DSCAML1: variants seen among roughly 807,000 people sequenced by gnomAD.
DSCAML1 encodes cell adhesion molecule DSCAML1.
Under a neutral mutation model 200.5 loss-of-function variants are expected in DSCAML1, and 38 were observed. The observed-to-expected ratio is 0.19, with a 90% CI of 0.15 to 0.25. The LOEUF (loss-of-function observed/expected upper bound fraction) is 0.25, where lower values mean the gene tolerates loss of function less well. Among genes scored for constraint, DSCAML1 ranks in the 10% least tolerant of loss-of-function variants. The pLI, the probability that DSCAML1 is intolerant of heterozygous loss-of-function variation, is 1.00. For synonymous variants in DSCAML1, 1,215 were observed against 1,165.0 expected (o/e 1.04, Z -0.87); for missense variants, 2,223 against 2,858.8 (o/e 0.78, Z 5.07).
chr11:117,670,114 A>G (rs1273755114), intron 3 of DSCAML1, among the ~76,000 whole-genome samples: 1 of 152,206 alleles, frequency 6.6e-6, no homozygotes, highest in Non-Finnish European at 1.5e-5. Flanking sequence ...TTTTAAGTAC[A>G]CTGTGTATAC....
chr11:117,732,492 C>T lies in DSCAML1; in HGVS notation c.511+44299G>A, dbSNP rs918771193. On this transcript the variant is annotated intron_variant, in intron 3 of 32. Transcript: ENST00000651296. ...CCTGGCTGCCTCTATTATAAAAAGA[C>T]GAGTTCCAAGGCCCTATCTGGCTCT... Among the ~76,000 whole-genome samples, 9 of 152,150 alleles carry T rather than the reference C, an allele frequency of 5.9e-5. 1 individual carries two copies. Among genetic ancestry groups the T allele is most frequent in the South Asian group, 4.1e-4 (2 of 4,826 alleles).
chr11:117,497,057 G>A (rs746334008), intron 11 of DSCAML1, among the ~76,000 whole-genome samples: 1 of 152,194 alleles, frequency 6.6e-6, no homozygotes, highest in African/African-American at 2.4e-5. Context: ...AAAGCCTACA[G>A]CTTCTGAATG....
intron 3 of DSCAML1, among the ~76,000 whole-genome samples, chr11:117,541,787 C>G (rs577600809): frequency 3.3e-5 from 5 of 152,338 alleles, no homozygotes; most frequent in Admixed American, 1.3e-4. Context: ...CCTCACACTT[C>G]CCATGGCAGG....
intron 14 of DSCAML1, among the ~76,000 whole-genome samples, chr11:117,474,565 T>G (rs1298585166): frequency 6.6e-6 from 1 of 152,152 alleles, no homozygotes; most frequent in Non-Finnish European, 1.5e-5. Flanking sequence ...TGACGGCTCA[T>G]CTTGGATGTT....
rs752680592 is a variant in DSCAML1, at chr11:117,428,422, G to C, written c.6068C>G (p.Ser2023Cys). The C allele has an allele frequency of 1.3e-6, 2 of 1,555,154 alleles. No individual in the cohort carries two copies. Among genetic ancestry groups the C allele is most frequent in the African/African-American group, 1.4e-5 (1 of 71,858 alleles). ...AGGPHTKMGGSRDSLLEMSTS... is the reference protein window; with the variant it reads ...AGGPHTKMGGCRDSLLEMSTS... ...GCTCATCTCGAGAAGCGAGTCCCTGGAGCCCCCCATTTTGGTGTGTGGGCC... is the reference window on the plus strand; with the variant it reads ...GCTCATCTCGAGAAGCGAGTCCCTGCAGCCCCCCATTTTGGTGTGTGGGCC... The change falls in exon 33 of 33, where the codon TCC (serine) becomes TGC (cysteine). Residue 2023 changes from serine to cysteine, a missense_variant. Physicochemically the swap from Ser to Cys is moderately radical, Grantham distance 112. Transcript: ENST00000651296.
At chr11:117,746,153 C>T (rs558717399) in intron 3 of DSCAML1, among the ~76,000 whole-genome samples, 6 of 125,276 alleles carry the variant, frequency 4.8e-5, no homozygotes, top group East Asian at 5.2e-4. Flanking sequence ...ACCCGGGAGG[C>T]GGAGCTTACA....
At chr11:117,581,617 G>C (rs1432878835) in intron 3 of DSCAML1, among the ~76,000 whole-genome samples, 1 of 152,162 alleles carries the variant, frequency 6.6e-6, no homozygotes, top group Non-Finnish European at 1.5e-5. Context: ...GCATTGTGAT[G>C]AACACAGGTA....
Position 117,430,690 on chromosome 11 carries a change from G to T in DSCAML1, c.5686+32C>A, listed in dbSNP as rs573366405. Reference sequence around the variant, plus strand: ...TGGGGCTGGGGCCAGGGGGCGGGGGGGCACTGCCTGGGAGGTGGTCTGAGC... The same window carrying T: ...TGGGGCTGGGGCCAGGGGGCGGGGGTGCACTGCCTGGGAGGTGGTCTGAGC... On this transcript the variant is annotated intron_variant, in intron 32 of 32. Transcript: ENST00000651296. 12 of 1,579,958 alleles carry T rather than the reference G, an allele frequency of 7.6e-6. No homozygotes were observed. The East Asian group carries it at 2.5e-4, about 32-fold the overall frequency.
At chr11:117,613,468 ATACACT>A (rs1202674446) in intron 3 of DSCAML1, among the ~76,000 whole-genome samples, 2 of 152,138 alleles carry the variant, frequency 1.3e-5, no homozygotes, top group African/African-American at 4.8e-5. Flanking sequence ...TCAAAAAACA[ATACACT>A]TTGTGAGAGG....
In DSCAML1 at chr11:117,471,913, C is replaced by A. The variant is rs758642341; in HGVS notation, c.2909G>T (p.Arg970Leu). Residue 970 changes from arginine to leucine, a missense_variant, in exon 15 of 33, where the codon CGC (arginine) becomes CTC (leucine). Around this residue, in one of 7 missense-constraint regions of DSCAML1, gnomAD observed 438 missense variants for 629.7 expected, o/e 0.70. Coordinates refer to ENST00000651296, the MANE Select transcript of DSCAML1 (RefSeq NM_020693.4). ...GGTGAGCTCCTTGCTTGGTTCACTGCGGCCAATCTTGTTGAAAGAGTACAT... is the reference window on the plus strand; with the variant it reads ...GGTGAGCTCCTTGCTTGGTTCACTGAGGCCAATCTTGTTGAAAGAGTACAT... ...IRMYSFNKIGRSEPSKELTIS... is the reference protein window; with the variant it reads ...IRMYSFNKIGLSEPSKELTIS... 3 of 1,610,412 alleles carry A rather than the reference C, an allele frequency of 1.9e-6. No homozygotes were observed. Among genetic ancestry groups the A allele is most frequent in the South Asian group, 2.2e-5 (2 of 90,624 alleles).
In DSCAML1 at chr11:117,458,871, G is replaced by A. The variant is rs572720930; in HGVS notation, c.3451C>T (p.Arg1151Trp). 1.5e-5 allele frequency: 24 copies of A among 1,613,844 alleles called. No individual in the cohort carries two copies. Among genetic ancestry groups the A allele is most frequent in the Middle Eastern group, 1.6e-4 (1 of 6,084 alleles). The change falls in exon 19 of 33, where the codon CGG (arginine) becomes TGG (tryptophan). Residue 1151 changes from arginine (R) to tryptophan (W), a missense_variant. Coordinates refer to ENST00000651296, the MANE Select transcript of DSCAML1 (RefSeq NM_020693.4). Reference protein sequence around the residue: ...EMQNITTTRERVELRGMEKFT... With the variant: ...EMQNITTTREWVELRGMEKFT... ...TTCTCCATGCCCCGCAGCTCCACCC[G>A]CTCCCGCGTGGTGGTGATGTTCTGC...
chr11:117,448,383 GCA>G (rs1460715629), intron 20 of DSCAML1, among the ~76,000 whole-genome samples: 1 of 152,116 alleles, frequency 6.6e-6, no homozygotes, highest in Non-Finnish European at 1.5e-5. Flanking sequence ...GATGTTCCAG[GCA>G]CAGTGTTCAG....
chr11:117,679,250 C>T (rs1390600828), intron 3 of DSCAML1, among the ~76,000 whole-genome samples: 1 of 152,154 alleles, frequency 6.6e-6, no homozygotes. Context: ...GCCTCTCTGC[C>T]CTAGAGGCCC....
At chr11:117,779,214 A>T (rs1273091939) in intron 2 of DSCAML1, among the ~76,000 whole-genome samples, 2 of 152,010 alleles carry the variant, frequency 1.3e-5, no homozygotes, top group African/African-American at 4.8e-5. Context: ...TAAGTTGAAA[A>T]GCTCTTCTAA....
chr11:117,598,250 T>C (rs540255199), intron 3 of DSCAML1, among the ~76,000 whole-genome samples: 1 of 152,228 alleles, frequency 6.6e-6, no homozygotes, highest in South Asian at 2.1e-4. Context: ...GGGGATTACT[T>C]TTTGTTATAA....
At chr11:117,531,459 A>G (rs2050074990) in intron 4 of DSCAML1, among the ~76,000 whole-genome samples, 1 of 152,196 alleles carries the variant, frequency 6.6e-6, no homozygotes, top group Admixed American at 6.5e-5. Flanking sequence ...CCTCCCGAGA[A>G]GCTATAATCA....
intron 3 of DSCAML1, among the ~76,000 whole-genome samples, chr11:117,751,245 G>C (rs1164143352): frequency 6.6e-6 from 1 of 151,898 alleles, no homozygotes; most frequent in South Asian, 2.1e-4. Context: ...ACTTCTTAAA[G>C]GGCAGGATCA....
chr11:117,505,386 T>G lies in DSCAML1; in HGVS notation c.2062+68A>C. The G allele has an allele frequency of 7.0e-6, 11 of 1,564,542 alleles. No individual in the cohort carries two copies. The South Asian group carries it at 1.3e-4, about 18-fold the overall frequency. The stretch of plus-strand genomic sequence containing the variant: ...GAGCCCGTGATTGGAACTGGAAATC[T>G]AGAGACTGCAGTAGCAGCAGGCAGA... On this transcript the variant is annotated intron_variant, in intron 9 of 32. Transcript: ENST00000651296. This position sits in a 1 kb window ranked among gnomAD's most constrained non-coding sequence, Gnocchi z 6.7.
At chr11:117,570,367 C>T (rs760128423) in intron 3 of DSCAML1, among the ~76,000 whole-genome samples, 1 of 152,170 alleles carries the variant, frequency 6.6e-6, no homozygotes, top group Non-Finnish European at 1.5e-5. Flanking sequence ...AGTCACAATG[C>T]ATATTAACAC....
Sources: allele counts gnomAD v4.1 joint callset (sites outside exome capture counted in the v4.1 genomes callset), GRCh38; gene constraint gnomAD v4.1.1; regional missense constraint gnomAD v4.1.1; non-coding constraint Gnocchi (gnomAD v3.1); transcripts MANE v1.5; gene names NCBI Gene and HGNC (gene_info 2026-07-23, HGNC 2026-07-21).